Variants in ZNF131 observed in about 807,000 individuals in gnomAD.
ZNF131 encodes the protein zinc finger and BTB domain containing 35.
Under a neutral mutation model 60.0 loss-of-function variants are expected in ZNF131, and 7 were observed. The ratio of observed to expected loss-of-function variants is 0.12; its 90% confidence interval spans 0.07 to 0.22. The LOEUF is 0.22. Ranked by LOEUF, ZNF131 falls within the 10% of genes least tolerant of loss-of-function variation. The pLI, the probability that ZNF131 is intolerant of heterozygous loss-of-function variation, is 1.00. For synonymous variants in ZNF131, 257 were observed against 253.2 expected (o/e 1.01, Z -0.14); for missense variants, 493 against 740.9 (o/e 0.67, Z 3.88).
At chr5:43,132,637 A>G (rs967973475) in intron 3 of ZNF131, among the ~76,000 whole-genome samples, 60 of 148,516 alleles carry the variant, frequency 4.0e-4, no homozygotes, top group Admixed American at 2.2e-3. Context: ...CAGCCTCCCC[A>G]GTAGCTGGGA....
intron 3 of ZNF131, chr5:43,124,253 A>G (rs1377898915): frequency 1.3e-5 from 2 of 152,154 alleles, no homozygotes; most frequent in African/African-American, 4.8e-5. Flanking sequence ...CTACTGCAGT[A>G]ACTCCTCCCC....
chr5:43,150,596 C>G (rs1748178514), intron 4 of ZNF131, among the ~76,000 whole-genome samples: 1 of 152,062 alleles, frequency 6.6e-6, no homozygotes, highest in South Asian at 2.1e-4. Context: ...TCGAGACCAG[C>G]CTGGCTAACG....
At chr5:43,152,433 A>T (rs942366534) in intron 4 of ZNF131, among the ~76,000 whole-genome samples, 1 of 152,160 alleles carries the variant, frequency 6.6e-6, no homozygotes, top group Non-Finnish European at 1.5e-5. Flanking sequence ...CACAGGAGTC[A>T]TCCCCAGCTG....
At chr5:43,147,043 C>G (rs1322957997) in intron 4 of ZNF131, among the ~76,000 whole-genome samples, 1 of 152,130 alleles carries the variant, frequency 6.6e-6, no homozygotes, top group Non-Finnish European at 1.5e-5. Context: ...AATCATTGAT[C>G]TGATTTTTAT....
chr5:43,129,483 C>A (rs1301121314), intron 3 of ZNF131, among the ~76,000 whole-genome samples: 1 of 152,158 alleles, frequency 6.6e-6, no homozygotes, highest in Admixed American at 6.5e-5. Flanking sequence ...TACTTCTCAA[C>A]ATTCCAGATT....
At chr5:43,138,512 C>T (rs986873032) in intron 3 of ZNF131, among the ~76,000 whole-genome samples, 2 of 152,106 alleles carry the variant, frequency 1.3e-5, no homozygotes, top group Non-Finnish European at 2.9e-5. Context: ...ATTAGCCAGG[C>T]GTGGTGGTAC....
intron 5 of ZNF131, among the ~76,000 whole-genome samples, chr5:43,166,263 A>G (rs1750332706): frequency 6.6e-6 from 1 of 152,180 alleles, no homozygotes; most frequent in African/African-American, 2.4e-5. Flanking sequence ...ACTACCTGGC[A>G]TAGGAGACCT....
intron 3 of ZNF131, among the ~76,000 whole-genome samples, chr5:43,131,966 G>A (rs895000910): frequency 2.0e-5 from 3 of 152,174 alleles, no homozygotes; most frequent in Middle Eastern, 3.4e-3. Context: ...CATAGACTTA[G>A]GAGTCAGACC....
chr5:43,142,848 T>G (rs1314728567), intron 4 of ZNF131, among the ~76,000 whole-genome samples: 4 of 151,692 alleles, frequency 2.6e-5, no homozygotes, highest in Non-Finnish European at 1.5e-5. Context: ...CTTGCCACCA[T>G]GCCTGGCTAA....
chr5:43,160,768 C>T lies in ZNF131; in HGVS notation c.372-481C>T, dbSNP rs542184981. On this transcript the variant is annotated intron_variant, in intron 4 of 6. Transcript: ENST00000682664. ...GTGCGATCTTGGCTCACCCCAACCT[C>T]CGCCTCCTGGGTTCAAGTGATTCTC... is the stretch of plus-strand genomic sequence containing the variant. Among the ~76,000 whole-genome samples the T allele has an allele frequency of 7.0e-4, 106 of 150,776 alleles. 1 individual carries two copies. Among genetic ancestry groups the T allele is most frequent in the Middle Eastern group, 3.4e-3 (1 of 292 alleles).
At chr5:43,144,157 C>T (rs376374021) in intron 4 of ZNF131, among the ~76,000 whole-genome samples, 1 of 148,998 alleles carries the variant, frequency 6.7e-6, no homozygotes, top group Non-Finnish European at 1.5e-5. Context: ...CTCCTGACCT[C>T]GTGATCCACT....
intron 3 of ZNF131, among the ~76,000 whole-genome samples, chr5:43,137,605 A>T (rs1746288705): frequency 6.6e-6 from 1 of 151,946 alleles, no homozygotes; most frequent in Non-Finnish European, 1.5e-5. Flanking sequence ...AGTATTGGTG[A>T]GGATATAAAT....
intron 4 of ZNF131, among the ~76,000 whole-genome samples, chr5:43,154,003 T>C (rs1303267601): frequency 6.6e-6 from 1 of 152,224 alleles, no homozygotes; most frequent in Non-Finnish European, 1.5e-5. Context: ...TGAACCATTA[T>C]CAGACTGCAG....
At chr5:43,126,691 C>T (rs190862220) in intron 3 of ZNF131, among the ~76,000 whole-genome samples, 77 of 152,216 alleles carry the variant, frequency 5.1e-4, no homozygotes, top group African/African-American at 1.8e-3. Context: ...AAATGAATTC[C>T]CTCTTCCATA....
At chr5:43,141,682 CG>C (rs1226274756) in intron 4 of ZNF131, among the ~76,000 whole-genome samples, 1 of 151,502 alleles carries the variant, frequency 6.6e-6, no homozygotes, top group Non-Finnish European at 1.5e-5. Flanking sequence ...GTGGTACGAT[CG>C]CTTGAGCATG....
In ZNF131 at chr5:43,132,990, A is replaced by T. The variant is rs6890348; in HGVS notation, c.227-6175A>T. 2.4e-3 allele frequency among the ~76,000 whole-genome samples: 366 copies of T among 152,310 alleles called. 20 individuals are homozygous for T. The South Asian group carries it at 0.073, about 30-fold the overall frequency. ...TGCGGTTTGGACTTGGGCATTTCTT[A>T]GTCTAAAATCTATGTTAAATGTAGG... On this transcript the variant is annotated intron_variant, in intron 3 of 6. Transcript: ENST00000682664.
chr5:43,172,732 CT>C (rs1295568136), intron 5 of ZNF131, among the ~76,000 whole-genome samples: 2 of 151,872 alleles, frequency 1.3e-5, no homozygotes, highest in African/African-American at 4.8e-5. Context: ...GTGCCTCTTT[CT>C]TTTTTTTCTC....
At chr5:43,170,552 A>G (rs12514198) in intron 5 of ZNF131, among the ~76,000 whole-genome samples, 27,363 of 151,992 alleles carry the variant, frequency 0.18, 2,874 homozygotes, top group Middle Eastern at 0.34. Context: ...CATATATTCA[A>G]GACCTCTGTC....
intron 5 of ZNF131, among the ~76,000 whole-genome samples, chr5:43,163,719 A>G (rs759006661): frequency 6.6e-6 from 1 of 152,222 alleles, no homozygotes; most frequent in African/African-American, 2.4e-5. Context: ...ACTTCTGGAC[A>G]TTTGTTCCCA....
Sources: allele counts gnomAD v4.1 joint callset (sites outside exome capture counted in the v4.1 genomes callset), GRCh38; gene constraint gnomAD v4.1.1; transcripts MANE v1.5; gene names NCBI Gene and HGNC (gene_info 2026-07-23, HGNC 2026-07-21).